Variants in STPG2 observed in about 807,000 individuals in gnomAD.
STPG2 encodes sperm tail PG-rich repeat containing 2, also known as sperm-tail PG-rich repeat-containing protein 2.
Under a neutral mutation model 54.2 loss-of-function variants are expected in STPG2, and 56 were observed. The ratio of observed to expected loss-of-function variants is 1.03; its 90% CI spans 0.83 to 1.29. STPG2 has a LOEUF of 1.29. Ranked by LOEUF, STPG2 falls within the 50% of genes most tolerant of loss-of-function variation. The pLI is 0.00. For missense variants in STPG2, 596 were observed against 544.9 expected, an observed-to-expected ratio of 1.09 and a Z score of -0.93; for synonymous variants, 200 against 181.8, an observed-to-expected ratio of 1.10 and a Z score of -0.81.
At chr4:97,755,709 C>T (rs1725705936) in intron 9 of STPG2, among the ~76,000 whole-genome samples, 1 of 152,088 alleles carries the variant, frequency 6.6e-6, no homozygotes, top group Non-Finnish European at 1.5e-5. Flanking sequence ...TATTGGGCTC[C>T]CTGAATACGC....
Position 97,840,792 on chromosome 4 carries a change from T to C in STPG2, c.1185A>G (p.Glu395=), listed in dbSNP as rs151287569. 130 of 1,611,522 alleles carry C rather than the reference T, an allele frequency of 8.1e-5. No individual in the cohort carries two copies. The highest frequency in any genetic ancestry group is 1.0e-4 in the Non-Finnish European group (119 of 1,178,278). The part of the protein sequence containing the change: ...SFLSATPRCL[E]KVTDGPGPAA... ...ACTTACCTGGCCCATCAGTCACTTT[T>C]TCTAGGCACCGAGGAGTTGCACTAA... The change falls in exon 9 of 11, where the codon GAA becomes GAG. Residue 395 remains glutamate (E), a synonymous_variant. Coordinates refer to ENST00000295268, the MANE Select transcript of STPG2 (RefSeq NM_174952.3).
intron 8 of STPG2, among the ~76,000 whole-genome samples, chr4:97,842,124 A>G (rs1728819343): frequency 6.6e-6 from 1 of 151,948 alleles, no homozygotes; most frequent in South Asian, 2.1e-4. Flanking sequence ...ACCCTCAAGC[A>G]TATGCTAACA....
intron 9 of STPG2, among the ~76,000 whole-genome samples, chr4:97,736,755 C>T (rs1725013485): frequency 6.6e-6 from 1 of 152,214 alleles, no homozygotes; most frequent in Non-Finnish European, 1.5e-5. Flanking sequence ...GCCTGCCTGC[C>T]TCTGTAGGCT....
At chr4:97,744,735 C>T (rs984068355) in intron 9 of STPG2, among the ~76,000 whole-genome samples, 1 of 151,326 alleles carries the variant, frequency 6.6e-6, no homozygotes, top group Admixed American at 6.6e-5. Context: ...AATGATAACA[C>T]TATGCTGTAT....
chr4:97,502,421 G>A lies in STPG2; in HGVS notation c.462+210278C>T, dbSNP rs148138731. On this transcript the variant is annotated intron_variant, in intron 4 of 4. Transcript: ENST00000522676. Reference sequence around the variant, plus strand: ...GAAACACTGTCTTCAATTTTCTGATGGGGAAAACAATGTGTGAGTGAAAAT... The same window carrying A: ...GAAACACTGTCTTCAATTTTCTGATAGGGAAAACAATGTGTGAGTGAAAAT... Among the ~76,000 whole-genome samples the A allele has an allele frequency of 1.9e-3, 293 of 152,016 alleles. 1 individual carries two copies. The highest frequency in any genetic ancestry group is 6.5e-3 in the African/African-American group (271 of 41,508).
At position 97,622,915 on chromosome 4, in the gene STPG2, C is replaced by T. The variant is rs62316463; in HGVS notation, c.1321-63798G>A. On this transcript the variant is annotated intron_variant, in intron 10 of 10. Transcript: ENST00000295268. Reference sequence around the variant, plus strand: ...AAAACAGCACAATACTGGTACAAAACCAGACACATAGACAAATGGAACAGA... The same window carrying T: ...AAAACAGCACAATACTGGTACAAAATCAGACACATAGACAAATGGAACAGA... Among the ~76,000 whole-genome samples the T allele has an allele frequency of 4.7e-3, 714 of 152,032 alleles. 4 individuals carry two copies. The highest frequency in any genetic ancestry group is 0.024 in the Middle Eastern group (7 of 294).
chr4:97,853,495 A>T (rs1049161567), intron 8 of STPG2, among the ~76,000 whole-genome samples: 2 of 152,214 alleles, frequency 1.3e-5, no homozygotes, highest in African/African-American at 4.8e-5. Flanking sequence ...TGTCAAATTC[A>T]ATAGCACATT....
At chr4:98,032,733 A>G (rs1736637225) in intron 5 of STPG2, among the ~76,000 whole-genome samples, 1 of 152,214 alleles carries the variant, frequency 6.6e-6, no homozygotes, top group African/African-American at 2.4e-5. Context: ...CGGAAATCAT[A>G]ACAAACTGTC....
chr4:97,972,481 T>C (rs761055876), intron 6 of STPG2, 41 bp from the exon 7 acceptor site: 1 of 1,208,774 alleles, frequency 8.3e-7, no homozygotes, highest in South Asian at 2.0e-5. Context: ...ATAAGCATGC[T>C]TTTATATGCA....
intron 5 of STPG2, among the ~76,000 whole-genome samples, chr4:98,005,095 G>A (rs1211636185): frequency 6.6e-6 from 1 of 151,910 alleles, no homozygotes; most frequent in Non-Finnish European, 1.5e-5. Flanking sequence ...ATAACCTGAA[G>A]AACTTTCAGT....
rs1043404177 is a variant in STPG2 at position 97,843,483 on chromosome 4, G to T, written c.1045-2551C>A. On this transcript the variant is annotated intron_variant, in intron 8 of 10. Coordinates refer to ENST00000295268, the MANE Select transcript of STPG2 (RefSeq NM_174952.3). ...TCTTAAAATGTTTTCTGACACATAA[G>T]GAGTAGCAGTGTTGGCTTTCATTGC... Among the ~76,000 whole-genome samples, 7 of 151,916 alleles carry T rather than the reference G, an allele frequency of 4.6e-5. No individual in the cohort carries two copies. In the East Asian group the frequency reaches 1.3e-3, roughly 29 times the overall value.
intron 3 of STPG2, among the ~76,000 whole-genome samples, chr4:98,127,489 A>T (rs756929068): frequency 3.3e-5 from 5 of 152,200 alleles, no homozygotes; most frequent in Non-Finnish European, 7.3e-5. Context: ...GGGAATAAAG[A>T]TCAAGATAAA....
At chr4:97,881,134 TA>T (rs1730356434) in intron 8 of STPG2, among the ~76,000 whole-genome samples, 2 of 151,022 alleles carry the variant, frequency 1.3e-5, no homozygotes, top group Non-Finnish European at 3.0e-5. Flanking sequence ...TGGTAAAAAC[TA>T]GTAAAGAGTG....
chr4:97,503,475 C>G (rs1730771090), intron 4 of STPG2, among the ~76,000 whole-genome samples: 1 of 151,508 alleles, frequency 6.6e-6, no homozygotes, highest in African/African-American at 2.4e-5. Context: ...AGCCAATATT[C>G]TAGTGTATTT....
intron 4 of STPG2, among the ~76,000 whole-genome samples, chr4:97,470,617 A>G (rs1004567519): frequency 6.6e-6 from 1 of 152,114 alleles, no homozygotes; most frequent in African/African-American, 2.4e-5. Context: ...TAAATTAGGG[A>G]CAATAAGAAA....
chr4:97,703,774 TTG>T (rs1377835748), intron 10 of STPG2, among the ~76,000 whole-genome samples: 2 of 145,804 alleles, frequency 1.4e-5, no homozygotes. Flanking sequence ...CATAGTATAT[TTG>T]TGTGTGTGTG....
chr4:98,071,204 G>A (rs1466252987), intron 5 of STPG2, among the ~76,000 whole-genome samples: 1 of 152,064 alleles, frequency 6.6e-6, no homozygotes, highest in African/African-American at 2.4e-5. Context: ...GCATGGTACT[G>A]GTACAAAAAC....
chr4:97,704,498 A>C (rs1723881578), intron 10 of STPG2, among the ~76,000 whole-genome samples: 1 of 152,188 alleles, frequency 6.6e-6, no homozygotes, highest in African/African-American at 2.4e-5. Context: ...TGACCTAGGA[A>C]GTTCAAAAGA....
At chr4:97,725,593 A>C (rs1233180570) in intron 9 of STPG2, among the ~76,000 whole-genome samples, 2 of 151,944 alleles carry the variant, frequency 1.3e-5, no homozygotes, top group Admixed American at 1.3e-4. Flanking sequence ...AATAGCTTAC[A>C]AAAACCCTTA....
Sources: gnomAD v4.1 joint callset for allele counts (sites outside exome capture counted in the v4.1 genomes callset) on GRCh38, gnomAD v4.1.1 for gene constraint, MANE v1.5 for transcripts, NCBI Gene and HGNC (gene_info 2026-07-23, HGNC 2026-07-21) for gene names.